NRXN3: variants seen among roughly 807,000 people sequenced by gnomAD.
NRXN3 encodes the protein neurexin III.
A neutral mutation model predicts 137.6 loss-of-function variants in NRXN3; 32 were observed. The ratio of observed to expected loss-of-function variants is 0.23; its 90% CI spans 0.18 to 0.31. NRXN3 has a LOEUF of 0.31. Ranked by LOEUF, NRXN3 falls within the 10% of genes least tolerant of loss-of-function variation. NRXN3 has a pLI of 1.00. For synonymous variants in NRXN3, 798 were observed against 784.5 expected, an observed-to-expected ratio of 1.02 and a Z score of -0.29; for missense variants, 1,574 against 2,062.5, an observed-to-expected ratio of 0.76 and a Z score of 4.59.
chr14:79,824,428 G>A (rs898297973), intron 20 of NRXN3, among the ~76,000 whole-genome samples: 1 of 151,476 alleles, frequency 6.6e-6, no homozygotes. Context: ...TGCATCTTAC[G>A]ACTATAGTCC....
At chr14:79,324,838 G>A (rs530464087) in intron 15 of NRXN3, among the ~76,000 whole-genome samples, 2 of 152,046 alleles carry the variant, frequency 1.3e-5, no homozygotes, top group African/African-American at 4.8e-5. Flanking sequence ...GTGTATATAT[G>A]TATATATATT....
chr14:79,010,445 G>A (rs1456766358), intron 15 of NRXN3, among the ~76,000 whole-genome samples: 3 of 152,108 alleles, frequency 2.0e-5, no homozygotes, highest in Admixed American at 6.5e-5. Context: ...GCATCCATAT[G>A]AGTGTAACTC....
intron 8 of NRXN3, among the ~76,000 whole-genome samples, chr14:78,747,230 C>T (rs1244162353): frequency 2.0e-5 from 3 of 152,160 alleles, no homozygotes; most frequent in South Asian, 2.1e-4. Context: ...AAATCCTATG[C>T]GGATGTAGGT....
intron 3 of NRXN3, among the ~76,000 whole-genome samples, chr14:78,291,092 T>C (rs12891942): frequency 0.35 from 53,509 of 152,000 alleles, 9,449 homozygotes; most frequent in East Asian, 0.38. Flanking sequence ...TGTCTAGGCA[T>C]GATTTTCTGC....
intron 4 of NRXN3, among the ~76,000 whole-genome samples, chr14:78,520,433 T>C (rs1056064988): frequency 2.0e-5 from 3 of 152,172 alleles, no homozygotes; most frequent in Non-Finnish European, 4.4e-5. Context: ...ATATACTTAT[T>C]ACGTATTTAT....
At chr14:78,200,466 T>C (rs750277556) in intron 1 of NRXN3, among the ~76,000 whole-genome samples, 9 of 152,124 alleles carry the variant, frequency 5.9e-5, no homozygotes, top group African/African-American at 9.7e-5. Flanking sequence ...GAAATGCACA[T>C]TCTCAGGCCC....
chr14:79,110,798 T>TTTATTTATTTATTTATTTA (rs59008765), intron 15 of NRXN3, among the ~76,000 whole-genome samples: 2 of 135,646 alleles, frequency 1.5e-5, no homozygotes, highest in African/African-American at 2.7e-5. Context: ...TTATTTATTT[T>TTTATTTATTTATTTATTTA]TTTATTTTTT....
chr14:78,488,819 A>G (rs1450598961), intron 4 of NRXN3, among the ~76,000 whole-genome samples: 6 of 145,242 alleles, frequency 4.1e-5, no homozygotes, highest in Non-Finnish European at 9.0e-5. Flanking sequence ...AAAGGAGGAG[A>G]GGAGAAGAAA....
At chr14:78,410,065 T>C (rs2092732459) in intron 4 of NRXN3, among the ~76,000 whole-genome samples, 5 of 152,234 alleles carry the variant, frequency 3.3e-5, no homozygotes. Context: ...GGGGGAGATA[T>C]AACAGTTACT....
rs146291631 is a variant in NRXN3, at chr14:78,980,177, G to C, written c.3143-7845G>C. Among the ~76,000 whole-genome samples the C allele has an allele frequency of 5.4e-4, 82 of 152,312 alleles. No individual in the cohort carries two copies. The East Asian group carries it at 7.7e-3, about 14-fold the overall frequency. ...AAAGTTAGTGAATGTTGATAGATCA[G>C]CCTCACCTGGTCCCCACTCCTGGGT... On this transcript the variant is annotated intron_variant, in intron 14 of 20. Transcript: ENST00000335750.
intron 1 of NRXN3, among the ~76,000 whole-genome samples, chr14:78,211,095 G>A (rs1235091046): frequency 6.6e-6 from 1 of 152,194 alleles, no homozygotes; most frequent in Non-Finnish European, 1.5e-5. Flanking sequence ...GTGGTGCCTG[G>A]CACATAGTGA....
chr14:78,844,320 A>C (rs1047805080), intron 10 of NRXN3, among the ~76,000 whole-genome samples: 1 of 152,118 alleles, frequency 6.6e-6, no homozygotes, highest in Non-Finnish European at 1.5e-5. Context: ...GCCTTTTGTC[A>C]TATAAGGTAA....
intron 6 of NRXN3, among the ~76,000 whole-genome samples, chr14:78,686,302 G>T (rs1237339157): frequency 6.6e-6 from 1 of 152,146 alleles, no homozygotes; most frequent in African/African-American, 2.4e-5. Context: ...AGCAGAATCT[G>T]TTATTTCCCA....
At chr14:78,620,528 A>G (rs1027776517) in intron 4 of NRXN3, among the ~76,000 whole-genome samples, 4 of 152,184 alleles carry the variant, frequency 2.6e-5, no homozygotes, top group Non-Finnish European at 5.9e-5. Context: ...ATATGGCCAA[A>G]GGGGGAATCA....
chr14:78,316,826 C>T (rs2078760677), intron 4 of NRXN3, among the ~76,000 whole-genome samples: 2 of 152,180 alleles, frequency 1.3e-5, no homozygotes, highest in Admixed American at 1.3e-4. Flanking sequence ...TTGGTGTTGG[C>T]TTCATTTTTG....
intron 10 of NRXN3, among the ~76,000 whole-genome samples, chr14:78,819,096 C>T (rs2098943125): frequency 6.6e-6 from 1 of 152,098 alleles, no homozygotes; most frequent in African/African-American, 2.4e-5. Flanking sequence ...TGCTTGGAGC[C>T]TCGCAAGCTG....
At chr14:79,407,420 C>T (rs950028990) in intron 15 of NRXN3, among the ~76,000 whole-genome samples, 16 of 152,100 alleles carry the variant, frequency 1.1e-4, no homozygotes, top group Admixed American at 8.5e-4. Flanking sequence ...GTTTGCAGAA[C>T]AGGCATAGTT....
chr14:79,643,149 A>G (rs1391054482), intron 16 of NRXN3, among the ~76,000 whole-genome samples: 1 of 136,258 alleles, frequency 7.3e-6, no homozygotes, highest in Non-Finnish European at 1.7e-5. Context: ...AGCTTCGTAG[A>G]GACCACAAAG....
At position 79,767,965 on chromosome 14, in the gene NRXN3, G is replaced by A. The variant is rs146373279; in HGVS notation, c.4015-37147G>A. 8.8e-3 allele frequency among the ~76,000 whole-genome samples: 1,336 copies of A among 152,334 alleles called. 18 individuals are homozygous for A. Among genetic ancestry groups the A allele is most frequent in the African/African-American group, 0.03 (1,264 of 41,570 alleles). ...TGAGGAATTGCCTCACTCGGGAAGC[G>A]CAAGGGGTCAGGGAGTTCCCTTTCC... On this transcript the variant is annotated intron_variant, in intron 19 of 20. Coordinates refer to ENST00000335750, the MANE Select transcript of NRXN3 (RefSeq NM_001330195.2).
Sources: gnomAD v4.1 joint callset for allele counts (sites outside exome capture counted in the v4.1 genomes callset) on GRCh38, gnomAD v4.1.1 for gene constraint, MANE v1.5 for transcripts, NCBI Gene and HGNC (gene_info 2026-07-23, HGNC 2026-07-21) for gene names.